PHF20L1: variants seen among roughly 807,000 people sequenced by gnomAD.
PHF20L1 encodes the protein PHD finger protein 20 like 1, also known as PHD finger protein 20-like protein 1.
In PHF20L1, 44 loss-of-function variants were observed where a neutral mutation model predicts 125.5. That is an observed-to-expected ratio of 0.35 (90% CI 0.28 to 0.45). The LOEUF (loss-of-function observed/expected upper bound fraction) is 0.45, where lower values mean the gene tolerates loss of function less well. PHF20L1 is among the 20% of genes least tolerant of loss of function. The pLI, the probability that PHF20L1 is intolerant of heterozygous loss-of-function variation, is 1.00. For missense variants in PHF20L1, 1,012 were observed against 1,217.2 expected, an observed-to-expected ratio of 0.83 and a Z score of 2.51; for synonymous variants, 380 against 403.1, an observed-to-expected ratio of 0.94 and a Z score of 0.69.
intron 12 of PHF20L1, 200 bp downstream of exon 12, chr8:132,817,745 G>T: frequency 1.9e-6 from 1 of 527,732 alleles, no homozygotes. Flanking sequence ...ATATTCCCTG[G>T]ACATACATGC....
intron 18 of PHF20L1, among the ~76,000 whole-genome samples, chr8:132,840,269 C>T (rs989594882): frequency 6.6e-6 from 1 of 152,120 alleles, no homozygotes; most frequent in Non-Finnish European, 1.5e-5. Flanking sequence ...CCCATCCTCT[C>T]CTTCCCTTCC....
intron 14 of PHF20L1, among the ~76,000 whole-genome samples, chr8:132,825,943 A>G (rs1257015839): frequency 6.6e-6 from 1 of 152,020 alleles, no homozygotes; most frequent in Non-Finnish European, 1.5e-5. Context: ...CAGAACTTTG[A>G]GAGAATAAAT....
At chr8:132,792,762 C>T (rs1360271491) in intron 2 of PHF20L1, among the ~76,000 whole-genome samples, 1 of 152,172 alleles carries the variant, frequency 6.6e-6, no homozygotes, top group Non-Finnish European at 1.5e-5. Flanking sequence ...TTTCTAACCT[C>T]ATCTTCCTTA....
intron 2 of PHF20L1, among the ~76,000 whole-genome samples, chr8:132,785,315 TTATC>T (rs1335980881): frequency 6.6e-6 from 1 of 152,184 alleles, no homozygotes; most frequent in Non-Finnish European, 1.5e-5. Context: ...GGGAAACAGT[TTATC>T]TGTTGTGGTA....
chr8:132,775,437 C>T lies in PHF20L1; in HGVS notation c.-246C>T, dbSNP rs1829564203. On this transcript the variant is annotated 5_prime_UTR_variant, in exon 1 of 21. Transcript: ENST00000395386. ...CGGCGGCGGCGGCGATGGCAGCGGA[C>T]CCTGAGCGAGCTTGAGGGCTCGGAC... is the stretch of plus-strand genomic sequence containing the variant. 2 of 385,816 alleles carry T rather than the reference C, an allele frequency of 5.2e-6. No individual in the cohort carries two copies. The highest frequency in any genetic ancestry group is 9.1e-6 in the Non-Finnish European group (2 of 219,972). 23.9% of individuals were successfully genotyped at this position (385,816 alleles called of 1,614,324 possible).
At chr8:132,788,106 C>T (rs1291488583) in intron 2 of PHF20L1, among the ~76,000 whole-genome samples, 1 of 152,074 alleles carries the variant, frequency 6.6e-6, no homozygotes, top group Non-Finnish European at 1.5e-5. Context: ...TACATACTAT[C>T]CTTTAAAACA....
At chr8:132,843,245 G>A (rs1430134499) in intron 19 of PHF20L1, 1 of 983,724 alleles carries the variant, frequency 1.0e-6, no homozygotes, top group Non-Finnish European at 1.2e-6. Flanking sequence ...ATGTGAGTTA[G>A]ATAAAAGGTG....
At chr8:132,816,829 A>G (rs908673017) in intron 10 of PHF20L1, 59 bp from the exon 11 acceptor site, 4 of 1,096,530 alleles carry the variant, frequency 3.6e-6, no homozygotes, top group African/African-American at 3.1e-5. Flanking sequence ...ATCTCCTTAA[A>G]TATTGTAAGA....
At position 132,775,454 on chromosome 8, in the gene PHF20L1, G is replaced by T; in HGVS notation, c.-229G>T. Reference sequence around the variant, plus strand: ...GCAGCGGACCCTGAGCGAGCTTGAGGGCTCGGACCCAGCTCCCTCCCGCGA... The same window carrying T: ...GCAGCGGACCCTGAGCGAGCTTGAGTGCTCGGACCCAGCTCCCTCCCGCGA... On this transcript the variant is annotated 5_prime_UTR_variant, in exon 1 of 21. Transcript: ENST00000395386. 2.6e-6 allele frequency: 1 copy of T among 383,704 alleles called. No individual in the cohort carries two copies. The highest frequency in any genetic ancestry group is 1.3e-4 in the South Asian group (1 of 7,810). 23.8% of individuals were successfully genotyped at this position (383,704 alleles called of 1,614,324 possible). A position where few individuals can be genotyped will look rare whatever the true frequency, so the allele number is the denominator to read the frequency against.
Position 132,775,456 on chromosome 8 carries a change from C to A in PHF20L1, c.-227C>A, listed in dbSNP as rs944729709. On this transcript the variant is annotated 5_prime_UTR_variant, in exon 1 of 21. Coordinates refer to ENST00000395386, the MANE Select transcript of PHF20L1 (RefSeq NM_016018.5). Reference sequence around the variant, plus strand: ...AGCGGACCCTGAGCGAGCTTGAGGGCTCGGACCCAGCTCCCTCCCGCGAAA... The same window carrying A: ...AGCGGACCCTGAGCGAGCTTGAGGGATCGGACCCAGCTCCCTCCCGCGAAA... 27 of 383,422 alleles carry A rather than the reference C, an allele frequency of 7.0e-5. No individual in the cohort carries two copies. The highest frequency in any genetic ancestry group is 6.6e-4 in the Middle Eastern group (1 of 1,508). 23.8% of individuals were successfully genotyped at this position (383,422 alleles called of 1,614,324 possible). A position where few individuals can be genotyped will look rare whatever the true frequency, so the allele number is the denominator to read the frequency against.
intron 9 of PHF20L1, chr8:132,812,943 T>C (rs1324396022): frequency 2.1e-6 from 2 of 947,578 alleles, no homozygotes; most frequent in South Asian, 4.9e-5. Flanking sequence ...TTATTAATTA[T>C]AGATTATTTA....
intron 2 of PHF20L1, among the ~76,000 whole-genome samples, chr8:132,778,177 T>C: frequency 6.6e-6 from 1 of 152,186 alleles, no homozygotes; most frequent in East Asian, 1.9e-4. Context: ...GAGTATGCGG[T>C]TTATGTATAC....
intron 9 of PHF20L1, chr8:132,812,145 T>G: frequency 1.0e-6 from 1 of 980,304 alleles, no homozygotes; most frequent in Admixed American, 6.2e-5. Flanking sequence ...CGGTTAAGTC[T>G]TTGCCGTTAT....
rs559852498 is a variant in PHF20L1, at chr8:132,825,517, T to A, written c.1744+146T>A. ...AGGTTTCTGTAGCTTTCCTTTGACA[T>A]GAAATTTCAAAAATATACTACTCTG... On this transcript the variant is annotated intron_variant, in intron 14 of 20. Transcript: ENST00000395386. 6.6e-6 allele frequency: 4 copies of A among 609,206 alleles called. No homozygotes were observed. In the East Asian group the frequency reaches 1.2e-4, roughly 19 times the overall value. The allele number at this position is 609,206 out of a possible 1,614,324, so 37.7% of individuals were successfully genotyped here.
At position 132,844,337 on chromosome 8, in the gene PHF20L1, A is replaced by G. The variant is rs765091572; in HGVS notation, c.2911+19A>G. 56 of 1,574,078 alleles carry G rather than the reference A, an allele frequency of 3.6e-5. 2 individuals carry two copies. In the South Asian group the frequency reaches 5.6e-4, roughly 16 times the overall value. ...GTCGATGGTAATTTAAGAAAGAACT[A>G]AAATACAGTTACTATAGTGAATTTA... On this transcript the variant is annotated intron_variant, in intron 20 of 20. Coordinates refer to ENST00000395386, the MANE Select transcript of PHF20L1 (RefSeq NM_016018.5).
At chr8:132,798,942 T>C (rs1349055695) in intron 5 of PHF20L1, 82 bp downstream of exon 5, 49 of 1,109,238 alleles carry the variant, frequency 4.4e-5, no homozygotes, top group Non-Finnish European at 6.0e-5. Context: ...ATATGTATAT[T>C]TTTTAAAAAT....
intron 20 of PHF20L1, among the ~76,000 whole-genome samples, chr8:132,844,567 G>A (rs1172125182): frequency 6.6e-6 from 1 of 151,932 alleles, no homozygotes; most frequent in Admixed American, 6.6e-5. Flanking sequence ...CTGTCTATTT[G>A]CCAGGCTCCA....
intron 19 of PHF20L1, chr8:132,843,331 C>T (rs957028733): frequency 7.1e-6 from 7 of 982,466 alleles, no homozygotes; most frequent in Non-Finnish European, 8.5e-6. Context: ...TGAATTCTGA[C>T]AGATCTATGT....
Position 132,837,748 on chromosome 8 carries a change from A to G in PHF20L1, c.2128A>G (p.Met710Val), listed in dbSNP as rs200503875. 1.9e-6 allele frequency: 3 copies of G among 1,613,142 alleles called. No individual in the cohort carries two copies. The highest frequency in any genetic ancestry group is 2.7e-5 in the African/African-American group (2 of 74,952). ...ECLCWQHSVC[M>V]GLLEESIPEQ... is the part of the protein sequence containing the mutation. Reference sequence around the variant, plus strand: ...CTTGTGTTGGCAACACAGCGTGTGCATGGGGCTGCTGGAGGAGAGCATTCC... The same window carrying G: ...CTTGTGTTGGCAACACAGCGTGTGCGTGGGGCTGCTGGAGGAGAGCATTCC... The change falls in exon 17 of 21, where the codon ATG (methionine) becomes GTG (valine). Residue 710 changes from methionine (M) to valine (V), a missense_variant. Transcript: ENST00000395386.
Sources: gnomAD v4.1 joint callset for allele counts (sites outside exome capture counted in the v4.1 genomes callset) on GRCh38, gnomAD v4.1.1 for gene constraint, MANE v1.5 for transcripts, NCBI Gene and HGNC (gene_info 2026-07-23, HGNC 2026-07-21) for gene names.